The following TENM2 variants were observed in gnomAD, a reference collection of about 807,000 sequenced individuals.
TENM2 encodes the protein teneurin transmembrane protein 2.
In TENM2, 52 loss-of-function variants were observed where a neutral mutation model predicts 245.2. The observed-to-expected ratio is 0.21, with a 90% confidence interval of 0.17 to 0.27. The LOEUF (loss-of-function observed/expected upper bound fraction) is 0.27, where lower values mean the gene tolerates loss of function less well. Among genes scored for constraint, TENM2 ranks in the 10% least tolerant of loss-of-function variants. The probability of loss-of-function intolerance (pLI) is 1.00; values close to 1 mark genes in which losing one functional copy is unlikely to be tolerated. For missense variants in TENM2, 3,046 were observed against 3,666.8 expected (o/e 0.83, Z 4.37); for synonymous variants, 1,363 against 1,438.9 (o/e 0.95, Z 1.19).
chr5:167,779,243 C>A (rs773988201), intron 2 of TENM2, among the ~76,000 whole-genome samples: 105 of 152,086 alleles, frequency 6.9e-4, no homozygotes, highest in Non-Finnish European at 1.2e-3. Context: ...CCAACAGCCA[C>A]AAAGGTATTT....
intron 2 of TENM2, among the ~76,000 whole-genome samples, chr5:167,427,989 A>C (rs1400527036): frequency 6.6e-6 from 1 of 152,210 alleles, no homozygotes; most frequent in Non-Finnish European, 1.5e-5. Context: ...AGCCAACAAT[A>C]ATAATTCCTG....
chr5:167,669,285 G>A lies in TENM2; in HGVS notation c.503-206701G>A, dbSNP rs988483548. Among the ~76,000 whole-genome samples the A allele has an allele frequency of 9.2e-5, 14 of 152,192 alleles. No homozygotes were observed. The East Asian group carries it at 1.2e-3, about 13-fold the overall frequency. ...GAGTGATGCATTTTAAAATTATACC[G>A]TTTGTAGATTGTGGAGAAAGTTCTT... On this transcript the variant is annotated intron_variant, in intron 2 of 28. Transcript: ENST00000518659.
intron 12 of TENM2, among the ~76,000 whole-genome samples, chr5:168,134,622 G>A (rs751396428): frequency 3.0e-4 from 45 of 152,164 alleles, no homozygotes; most frequent in Admixed American, 2.5e-3. Context: ...GGGAGGCAGA[G>A]GTTGCAGTGA....
At chr5:167,842,728 G>C (rs1769661014) in intron 2 of TENM2, among the ~76,000 whole-genome samples, 1 of 151,992 alleles carries the variant, frequency 6.6e-6, no homozygotes, top group Non-Finnish European at 1.5e-5. Context: ...TACCACTCAA[G>C]GAGCTGAGTC....
intron 2 of TENM2, among the ~76,000 whole-genome samples, chr5:167,415,925 G>A (rs1018886861): frequency 6.6e-6 from 1 of 152,090 alleles, no homozygotes; most frequent in African/African-American, 2.4e-5. Flanking sequence ...GAGAAGAGAC[G>A]CAGTAATGAT....
intron 2 of TENM2, among the ~76,000 whole-genome samples, chr5:167,814,165 G>T (rs1404879197): frequency 1.3e-5 from 2 of 152,124 alleles, no homozygotes; most frequent in South Asian, 2.1e-4. Flanking sequence ...ATACACGTTT[G>T]ATCTATACAG....
chr5:168,068,405 C>T (rs1581209395), intron 7 of TENM2, among the ~76,000 whole-genome samples: 1 of 152,070 alleles, frequency 6.6e-6, no homozygotes, highest in Non-Finnish European at 1.5e-5. Flanking sequence ...GGACCTTTAT[C>T]CTCAAGTGAA....
chr5:167,527,944 G>A (rs527360440), intron 2 of TENM2, among the ~76,000 whole-genome samples: 1 of 152,198 alleles, frequency 6.6e-6, no homozygotes, highest in African/African-American at 2.4e-5. Context: ...AGCCTCTAGA[G>A]AAATTCCATC....
At chr5:168,191,606 G>A (rs1760967093) in intron 14 of TENM2, among the ~76,000 whole-genome samples, 1 of 151,590 alleles carries the variant, frequency 6.6e-6, no homozygotes, top group Non-Finnish European at 1.5e-5. Context: ...CCCCTTTGCA[G>A]CCCTGACGAC....
At position 167,394,920 on chromosome 5, in the gene TENM2, A is replaced by G. The variant is rs2127371977; in HGVS notation, c.502+19447A>G. ...CTGTAATGTATTTTAAAATCAGGAC[A>G]TGTGATGCCTCCAGCTTTGTTCTTC... On this transcript the variant is annotated intron_variant, in intron 2 of 28. Transcript: ENST00000518659. 2.0e-5 allele frequency among the ~76,000 whole-genome samples: 3 copies of G among 152,248 alleles called. No individual in the cohort carries two copies. The South Asian group carries it at 6.2e-4, about 32-fold the overall frequency.
the TENM2 span, among the ~76,000 whole-genome samples, chr5:167,028,106 A>T: frequency 6.7e-6 from 1 of 148,342 alleles, no homozygotes; most frequent in Non-Finnish European, 1.5e-5. Flanking sequence ...CGTAGGTGGG[A>T]TGACACATTT....
the TENM2 span, among the ~76,000 whole-genome samples, chr5:167,157,263 A>G: frequency 6.6e-6 from 1 of 152,206 alleles, no homozygotes; most frequent in African/African-American, 2.4e-5. Flanking sequence ...AAAATACCAC[A>G]CAGCTCCAAG....
intron 1 of TENM2, among the ~76,000 whole-genome samples, chr5:167,298,674 G>A (rs981052387): frequency 6.6e-6 from 1 of 152,216 alleles, no homozygotes; most frequent in Non-Finnish European, 1.5e-5. Flanking sequence ...AGGTATTAAA[G>A]GTCTAAGAAT....
At chr5:167,801,159 T>TATTC (rs1765740749) in intron 2 of TENM2, among the ~76,000 whole-genome samples, 1 of 125,576 alleles carries the variant, frequency 8.0e-6, no homozygotes, top group South Asian at 2.6e-4. Context: ...TATATGTATA[T>TATTC]ATTCCCCAGG....
At chr5:167,373,837 AT>A (rs1226031090) in intron 1 of TENM2, among the ~76,000 whole-genome samples, 32 of 152,204 alleles carry the variant, frequency 2.1e-4, no homozygotes, top group Admixed American at 2.1e-3. Flanking sequence ...CTATGATGGT[AT>A]TTAAATGGCA....
chr5:167,591,877 A>G (rs1775900597), intron 2 of TENM2, among the ~76,000 whole-genome samples: 1 of 152,224 alleles, frequency 6.6e-6, no homozygotes, highest in African/African-American at 2.4e-5. Context: ...CAATGGTGCA[A>G]TAAGAAGTAA....
At chr5:166,987,128 G>C in the TENM2 span, among the ~76,000 whole-genome samples, 1 of 152,074 alleles carries the variant, frequency 6.6e-6, no homozygotes, top group Non-Finnish European at 1.5e-5. Flanking sequence ...CTTTTTATAT[G>C]ATTTGTGTAT....
exon 2 of TENM2, chr5:167,375,379 A>G (rs1302683833): frequency 2.6e-6 from 4 of 1,551,714 alleles, no homozygotes; most frequent in Non-Finnish European, 3.5e-6. Context: ...GCAGAGGGAT[A>G]AAATCCAGGC....
At chr5:167,769,430 T>G (rs888844626) in intron 2 of TENM2, among the ~76,000 whole-genome samples, 3 of 152,228 alleles carry the variant, frequency 2.0e-5, no homozygotes, top group African/African-American at 7.2e-5. Context: ...CATTGGCTAA[T>G]GATAATTTCT....
Sources: allele counts gnomAD v4.1 joint callset (sites outside exome capture counted in the v4.1 genomes callset), GRCh38; gene constraint gnomAD v4.1.1; transcripts MANE v1.5; gene names NCBI Gene and HGNC (gene_info 2026-07-23, HGNC 2026-07-21).